Variants in PSMC6 observed in about 807,000 individuals in gnomAD.
PSMC6 encodes the protein proteasome 26S subunit, ATPase 6.
PSMC6 carries 3 observed loss-of-function variants against 55.9 expected under a neutral mutation model. The observed-to-expected ratio is 0.05, with a 90% CI of 0.02 to 0.14. The LOEUF (loss-of-function observed/expected upper bound fraction) is 0.14. Among genes scored for constraint, PSMC6 ranks in the 10% least tolerant of loss-of-function variants. The pLI, the probability that PSMC6 is intolerant of heterozygous loss-of-function variation, is 1.00. For missense variants in PSMC6, 210 were observed against 478.7 expected (o/e 0.44, Z 5.24); for synonymous variants, 137 against 155.9 (o/e 0.88, Z 0.90).
intron 6 of PSMC6, among the ~76,000 whole-genome samples, chr14:52,712,736 C>T (rs2041787640): frequency 6.6e-6 from 1 of 151,948 alleles, no homozygotes; most frequent in Non-Finnish European, 1.5e-5. Context: ...CATCCTCTCA[C>T]CTCACCCTCC....
chr14:52,718,070 G>T lies in PSMC6; in HGVS notation c.530-11G>T, dbSNP rs1426187765. 1.2e-6 allele frequency: 2 copies of T among 1,611,424 alleles called. No individual in the cohort carries two copies. The highest frequency in any genetic ancestry group is 1.7e-6 in the Non-Finnish European group (2 of 1,179,454). On this transcript the variant is annotated splice_polypyrimidine_tract_variant and intron_variant, in intron 7 of 13. Coordinates refer to ENST00000445930, the MANE Select transcript of PSMC6 (RefSeq NM_002806.5). ...TTACCATCTAATTAAGACTTCTTTT[G>T]TCATTCTTAGGTACGGGAAAAACAC...
chr14:52,708,623 A>G, intron 3 of PSMC6, 101 bp downstream of exon 3: 2 of 1,515,494 alleles, frequency 1.3e-6, no homozygotes, highest in South Asian at 2.4e-5. Context: ...AGAGAGAGAG[A>G]GTATTTTTGA....
intron 1 of PSMC6, 123 bp downstream of exon 1, chr14:52,707,427 A>T: frequency 1.5e-6 from 2 of 1,339,222 alleles, no homozygotes; most frequent in Non-Finnish European, 2.0e-6. Context: ...AGGGCCAGGG[A>T]CAAGGCGCTT....
intron 8 of PSMC6, 29 bp from the exon 9 acceptor site, chr14:52,718,200 A>T: frequency 6.2e-7 from 1 of 1,609,402 alleles, no homozygotes; most frequent in South Asian, 1.1e-5. Flanking sequence ...ATTATCTTAT[A>T]TTTACCTTAC....
chr14:52,722,064 GT>G (rs1880217912), intron 12 of PSMC6: 1 of 145,888 alleles, frequency 6.9e-6, no homozygotes, highest in African/African-American at 2.8e-5. Context: ...CGGCCTGGTT[GT>G]TTGTTTGTTT....
Position 52,727,527 on chromosome 14 carries a change from T to C in PSMC6, c.1080T>C (p.Asp360=). The C allele has an allele frequency of 3.1e-6, 5 of 1,611,980 alleles. No individual in the cohort carries two copies. Among genetic ancestry groups the C allele is most frequent in the Non-Finnish European group, 4.2e-6 (5 of 1,179,626 alleles). Reference sequence around the variant, plus strand: ...TGTTCGCAATTCGTGCTGATCATGATTTTGTAGTACAGGAAGACTTCATGA... The same window carrying C: ...TGTTCGCAATTCGTGCTGATCATGACTTTGTAGTACAGGAAGACTTCATGA... ...AGMFAIRADH[D]FVVQEDFMKA... The change falls in exon 14 of 14, where the codon GAT becomes GAC. Residue 360 remains aspartate, a synonymous_variant. Transcript: ENST00000445930.
chr14:52,720,367 C>CAAAAAAAA lies in PSMC6; in HGVS notation c.778-471_778-464dup, dbSNP rs71444775. 2.5e-3 allele frequency among the ~76,000 whole-genome samples: 102 copies of CAAAAAAAA among 41,480 alleles called. 9 individuals are homozygous for CAAAAAAAA. The highest frequency in any genetic ancestry group is 8.3e-3 in the African/African-American group (93 of 11,252). The allele number at this position is 41,480 out of a possible 152,430, so 27.2% of individuals were successfully genotyped here. ...TGGGTGACAGAGTGAAACTCTGTCT[C>CAAAAAAAA]AAAAAAAAAAAAAAAAAAAAAAAAA... On this transcript the variant is annotated intron_variant, in intron 10 of 13. Transcript: ENST00000445930.
chr14:52,714,391 G>A (rs564095243), intron 7 of PSMC6, among the ~76,000 whole-genome samples: 7 of 152,290 alleles, frequency 4.6e-5, no homozygotes, highest in African/African-American at 1.7e-4. Flanking sequence ...TCTTCAGAGT[G>A]AGAATGAGAT....
chr14:52,722,332 C>T (rs1052762122), intron 12 of PSMC6: 4 of 149,712 alleles, frequency 2.7e-5, no homozygotes, highest in African/African-American at 9.9e-5. Context: ...GAGGAGTTGG[C>T]AGAGTTTTCT....
At chr14:52,715,690 C>T (rs764861181) in intron 7 of PSMC6, among the ~76,000 whole-genome samples, 8 of 148,470 alleles carry the variant, frequency 5.4e-5, no homozygotes, top group Admixed American at 3.4e-4. Flanking sequence ...CATCCTGGCT[C>T]GCTGCAACTT....
intron 12 of PSMC6, chr14:52,723,590 A>C: frequency 5.8e-6 from 1 of 172,352 alleles, no homozygotes; most frequent in East Asian, 1.6e-4. Context: ...TTCCATTGTT[A>C]TAATTGGTTT....
chr14:52,721,378 A>G (rs2139853855), intron 12 of PSMC6, 188 bp downstream of exon 12: 1 of 510,652 alleles, frequency 2.0e-6, no homozygotes, highest in East Asian at 3.3e-5. Flanking sequence ...AAGGGCTGAC[A>G]ATATAGCAAG....
At chr14:52,726,131 CAATA>C (rs1367480562) in intron 13 of PSMC6, among the ~76,000 whole-genome samples, 1 of 152,090 alleles carries the variant, frequency 6.6e-6, no homozygotes, top group Non-Finnish European at 1.5e-5. Flanking sequence ...TAGTAGATAG[CAATA>C]AACTTACCTG....
In PSMC6 at chr14:52,708,539, C is replaced by T; in HGVS notation, c.205+17C>T. Reference sequence around the variant, plus strand: ...AAGAAAAATGTGAGTGATGAATTAGCTTATTAATTAGTAAAGAAACAGTCC... The same window carrying T: ...AAGAAAAATGTGAGTGATGAATTAGTTTATTAATTAGTAAAGAAACAGTCC... On this transcript the variant is annotated intron_variant, in intron 3 of 13. Coordinates refer to ENST00000445930, the MANE Select transcript of PSMC6 (RefSeq NM_002806.5). The T allele has an allele frequency of 6.2e-7, 1 of 1,607,958 alleles. No homozygotes were observed. The highest frequency in any genetic ancestry group is 8.5e-7 in the Non-Finnish European group (1 of 1,174,746).
rs937992564 is a variant in PSMC6 at position 52,718,970 on chromosome 14, A to C, written c.716-7A>C. 6.2e-7 allele frequency: 1 copy of C among 1,604,764 alleles called. No homozygotes were observed. The highest frequency in any genetic ancestry group is 8.5e-7 in the Non-Finnish European group (1 of 1,171,686). Reference sequence around the variant, plus strand: ...ATGCATATAAATTTCCAAATCTACTATCTTAGGTGGTCGTCGGTTTTCTGA... The same window carrying C: ...ATGCATATAAATTTCCAAATCTACTCTCTTAGGTGGTCGTCGGTTTTCTGA... On this transcript the variant is annotated splice_polypyrimidine_tract_variant and splice_region_variant and intron_variant, in intron 9 of 13. Transcript: ENST00000445930.
At chr14:52,714,443 A>G (rs929747313) in intron 7 of PSMC6, among the ~76,000 whole-genome samples, 1 of 152,158 alleles carries the variant, frequency 6.6e-6, no homozygotes, top group African/African-American at 2.4e-5. Context: ...TGCTTAGTGC[A>G]TTTGTGCCTC....
intron 12 of PSMC6, 44 bp from the exon 13 acceptor site, chr14:52,723,921 A>G (rs1880303204): frequency 6.2e-7 from 1 of 1,602,332 alleles, no homozygotes; most frequent in African/African-American, 1.3e-5. Context: ...AATCAAGTAA[A>G]GGTCTAATTT....
At chr14:52,718,843 T>C (rs1157104643) in intron 9 of PSMC6, 134 bp from the exon 10 acceptor site, 4 of 695,184 alleles carry the variant, frequency 5.8e-6, no homozygotes, top group African/African-American at 5.5e-5. Flanking sequence ...CAAGTCTAAC[T>C]TTGTCAGCAT....
chr14:52,713,509 A>G (rs1302556280), intron 6 of PSMC6, among the ~76,000 whole-genome samples: 1 of 152,096 alleles, frequency 6.6e-6, no homozygotes, highest in East Asian at 1.9e-4. Flanking sequence ...TTTTGTTTAT[A>G]TGTTCATTTG....
Sources: gnomAD v4.1 joint callset for allele counts (sites outside exome capture counted in the v4.1 genomes callset) on GRCh38, gnomAD v4.1.1 for gene constraint, MANE v1.5 for transcripts, NCBI Gene and HGNC (gene_info 2026-07-23, HGNC 2026-07-21) for gene names.